Variants in DNAJC15 observed in about 807,000 individuals in gnomAD.
DNAJC15 encodes dnaJ homolog subfamily C member 15.
DNAJC15 carries 27 observed loss-of-function variants against 22.4 expected under a neutral mutation model. The ratio of observed to expected loss-of-function variants is 1.20; its 90% CI spans 0.89 to 1.66. DNAJC15 has a LOEUF of 1.66. DNAJC15 is among the 40% of genes most tolerant of loss of function. The pLI is 0.00. For synonymous variants in DNAJC15, 79 were observed against 63.2 expected (o/e 1.25, Z -1.19); for missense variants, 208 against 187.1 (o/e 1.11, Z -0.65).
rs1014216750 is a variant in DNAJC15, at chr13:43,065,863, T to C, written c.160+126T>C. ...TTTCAGACATAATACATTCTCATTC[T>C]TTCCACCATTTGTAGTTACTGAACA... is the stretch of plus-strand genomic sequence containing the variant. On this transcript the variant is annotated intron_variant, in intron 2 of 5. Transcript: ENST00000379221. The C allele has an allele frequency of 7.4e-5, 56 of 754,286 alleles. No homozygotes were observed. In the Admixed American group the frequency reaches 1.2e-3, roughly 17 times the overall value. The allele number at this position is 754,286 out of a possible 1,614,324, so 46.7% of individuals were successfully genotyped here.
Position 43,108,038 on chromosome 13 carries a change from A to C in DNAJC15, c.*790A>C, listed in dbSNP as rs1284373379. On this transcript the variant is annotated 3_prime_UTR_variant, in exon 6 of 6. Coordinates refer to ENST00000379221, the MANE Select transcript of DNAJC15 (RefSeq NM_013238.3). The stretch of plus-strand genomic sequence containing the variant: ...CCCCTGAGAGTTGCAAGTATGAAGC[A>C]GTCATGGATCATGAACCAAAGGAAC... 2.0e-5 allele frequency: 3 copies of C among 152,678 alleles called. No homozygotes were observed. The highest frequency in any genetic ancestry group is 2.0e-4 in the Admixed American group (3 of 15,284). 9.5% of individuals were successfully genotyped at this position (152,678 alleles called of 1,614,324 possible).
intron 5 of DNAJC15, among the ~76,000 whole-genome samples, chr13:43,102,552 T>C (rs956721397): frequency 6.6e-6 from 1 of 152,108 alleles, no homozygotes; most frequent in Non-Finnish European, 1.5e-5. Context: ...GAGGCTGCAG[T>C]GAGCCAAGAT....
intron 1 of DNAJC15, among the ~76,000 whole-genome samples, chr13:43,049,349 C>T (rs1566203938): frequency 6.6e-6 from 1 of 152,150 alleles, no homozygotes; most frequent in Non-Finnish European, 1.5e-5. Context: ...AGTCGAAATA[C>T]ATCTTCATGT....
intron 3 of DNAJC15, among the ~76,000 whole-genome samples, chr13:43,077,443 G>A (rs917980257): frequency 7.2e-5 from 11 of 152,160 alleles, no homozygotes; most frequent in African/African-American, 2.7e-4. Flanking sequence ...TAACCTCTAA[G>A]CAAGGATGGC....
At chr13:43,090,653 A>C (rs1355016309) in intron 5 of DNAJC15, among the ~76,000 whole-genome samples, 1 of 151,540 alleles carries the variant, frequency 6.6e-6, no homozygotes, top group Non-Finnish European at 1.5e-5. Context: ...CTTAAAAGAA[A>C]TTGGGCAGCA....
chr13:43,066,854 C>A (rs1444235634), intron 2 of DNAJC15, among the ~76,000 whole-genome samples: 1 of 152,108 alleles, frequency 6.6e-6, no homozygotes, highest in Non-Finnish European at 1.5e-5. Context: ...CGCCTGACCT[C>A]GTGATCCACC....
rs1024090774 is a variant in DNAJC15, at chr13:43,063,907, T to C, written c.109-1779T>C. ...TGGACTAACACCAGAAAGCTCAAAATATGTAGCACCAGGGAAGCGCTAGAA... is the reference window on the plus strand; with the variant it reads ...TGGACTAACACCAGAAAGCTCAAAACATGTAGCACCAGGGAAGCGCTAGAA... On this transcript the variant is annotated intron_variant, in intron 1 of 5. Transcript: ENST00000379221. 6.6e-5 allele frequency among the ~76,000 whole-genome samples: 10 copies of C among 152,340 alleles called. No individual in the cohort carries two copies. In the South Asian group the frequency reaches 2.1e-3, roughly 32 times the overall value.
chr13:43,060,598 TAC>T (rs544722491), intron 1 of DNAJC15, among the ~76,000 whole-genome samples: 121 of 152,298 alleles, frequency 7.9e-4, no homozygotes, highest in Non-Finnish European at 1.6e-3. Context: ...TTAAAAAATA[TAC>T]AGAGTCCTCT....
At chr13:43,097,387 A>G (rs1369703946) in intron 5 of DNAJC15, among the ~76,000 whole-genome samples, 3 of 152,210 alleles carry the variant, frequency 2.0e-5, no homozygotes, top group Admixed American at 1.3e-4. Context: ...GTGGTAGGAA[A>G]TACAATTGGA....
At chr13:43,107,136 A>G (rs777231665) in intron 5 of DNAJC15, 42 bp from the exon 6 acceptor site, 17 of 1,493,640 alleles carry the variant, frequency 1.1e-5, no homozygotes, top group South Asian at 6.5e-5. Flanking sequence ...AAGTATGTCA[A>G]TGATGAAATG....
chr13:43,055,443 TTC>T (rs1212965754), intron 1 of DNAJC15, among the ~76,000 whole-genome samples: 1 of 152,122 alleles, frequency 6.6e-6, no homozygotes, highest in African/African-American at 2.4e-5. Context: ...GGGAGAGCTG[TTC>T]TTTCTTTTTG....
At chr13:43,029,133 T>C (rs930697930) in intron 1 of DNAJC15, among the ~76,000 whole-genome samples, 3 of 152,256 alleles carry the variant, frequency 2.0e-5, no homozygotes, top group African/African-American at 7.2e-5. Context: ...GGTCCTCTTA[T>C]ATGTTAGCCT....
intron 1 of DNAJC15, among the ~76,000 whole-genome samples, chr13:43,025,246 C>G (rs976517195): frequency 6.6e-5 from 10 of 152,156 alleles, no homozygotes; most frequent in African/African-American, 2.4e-4. Context: ...TGAACAAGAT[C>G]AGGCAGAAGT....
At chr13:43,097,614 G>A (rs766076750) in intron 5 of DNAJC15, among the ~76,000 whole-genome samples, 13 of 152,094 alleles carry the variant, frequency 8.5e-5, no homozygotes, top group Non-Finnish European at 1.8e-4. Context: ...TTGGATGAGG[G>A]TTGTTGTAGT....
At chr13:43,024,900 A>AAAAAAAAAAAAAAAAAAAAAAAAAAAAC (rs2040373027) in intron 1 of DNAJC15, among the ~76,000 whole-genome samples, 1 of 146,828 alleles carries the variant, frequency 6.8e-6, no homozygotes, top group Non-Finnish European at 1.5e-5. Context: ...TGCTAAAAAA[A>AAAAAAAAAAAAAAAAAAAAAAAAAAAAC]AAAAAAAAAA....
intron 1 of DNAJC15, among the ~76,000 whole-genome samples, chr13:43,041,949 G>A (rs1198603527): frequency 1.3e-5 from 2 of 152,176 alleles, no homozygotes; most frequent in Non-Finnish European, 2.9e-5. Flanking sequence ...GGAGTAAGCT[G>A]GGAAGTAGTC....
At chr13:43,059,228 TTAA>T (rs1264038458) in intron 1 of DNAJC15, among the ~76,000 whole-genome samples, 9 of 152,304 alleles carry the variant, frequency 5.9e-5, no homozygotes, top group African/African-American at 1.9e-4. Context: ...AAGTAGTCTA[TTAA>T]TTTTATTATT....
chr13:43,057,557 T>C (rs2040537676), intron 1 of DNAJC15, among the ~76,000 whole-genome samples: 1 of 152,228 alleles, frequency 6.6e-6, no homozygotes, highest in South Asian at 2.1e-4. Context: ...TGGTGCCTCC[T>C]TGAGTAACAT....
chr13:43,048,385 G>A (rs948819772), intron 1 of DNAJC15, among the ~76,000 whole-genome samples: 1 of 152,112 alleles, frequency 6.6e-6, no homozygotes, highest in East Asian at 1.9e-4. Context: ...CCAGCTACTG[G>A]GGAGGCTGAG....
Sources: gnomAD v4.1 joint callset for allele counts (sites outside exome capture counted in the v4.1 genomes callset) on GRCh38, gnomAD v4.1.1 for gene constraint, MANE v1.5 for transcripts, NCBI Gene and HGNC (gene_info 2026-07-23, HGNC 2026-07-21) for gene names.